Variants in SHISA9 observed in about 807,000 individuals in gnomAD.
The protein encoded by SHISA9 is shisa family member 9.
In SHISA9, 13 loss-of-function variants were observed where a neutral mutation model predicts 38.0. That is an observed-to-expected ratio of 0.34 (90% CI 0.22 to 0.54). The LOEUF is 0.54. Among genes scored for constraint, SHISA9 ranks in the 20% least tolerant of loss-of-function variants. The probability of loss-of-function intolerance (pLI) is 0.91; values close to 1 mark genes in which losing one functional copy is unlikely to be tolerated. For synonymous variants in SHISA9, 275 were observed against 242.0 expected (o/e 1.14, Z -1.27); for missense variants, 538 against 575.8 (o/e 0.93, Z 0.67).
chr16:12,951,520 C>G (rs1596546169), intron 2 of SHISA9, among the ~76,000 whole-genome samples: 1 of 152,030 alleles, frequency 6.6e-6, no homozygotes, highest in East Asian at 1.9e-4. Context: ...TTTGCAAAAA[C>G]AGGTGTTGGG....
At chr16:13,489,464 A>G in the SHISA9 span, among the ~76,000 whole-genome samples, 3 of 152,144 alleles carry the variant, frequency 2.0e-5, no homozygotes, top group Non-Finnish European at 4.4e-5. Context: ...CTCAACTCAA[A>G]TCTCATCTTG....
At chr16:13,172,606 C>T (rs1341474831) in intron 2 of SHISA9, among the ~76,000 whole-genome samples, 1 of 152,156 alleles carries the variant, frequency 6.6e-6, no homozygotes, top group Non-Finnish European at 1.5e-5. Context: ...ATTTCACCAT[C>T]ACCTTCGTGC....
chr16:13,235,590 G>A lies in SHISA9; in HGVS notation c.*181G>A, dbSNP rs2051375649. The A allele has an allele frequency of 2.7e-6, 2 of 745,212 alleles. No individual in the cohort carries two copies. The highest frequency in any genetic ancestry group is 4.2e-6 in the Non-Finnish European group (2 of 480,480). The allele number at this position is 745,212 out of a possible 1,614,324, so 46.2% of individuals were successfully genotyped here. A position where few individuals can be genotyped will look rare whatever the true frequency, so the allele number is the denominator to read the frequency against. ...GCTTTTCCTAGGTCATGCCTGTAAC[G>A]TGTCGGCGGGCAGCTGAGAAAGACC... On this transcript the variant is annotated 3_prime_UTR_variant, in exon 5 of 5. Transcript: ENST00000558583.
rs557600231 is a variant in SHISA9, at chr16:13,051,652, C to CA, written c.691+134841dup. ...AGTTTAAACAAACAAATGACCAAAA[C>CA]AAAAGTGAATGTTGAAAGCCAGCCC... On this transcript the variant is annotated intron_variant, in intron 2 of 4. Transcript: ENST00000558583. Among the ~76,000 whole-genome samples the CA allele has an allele frequency of 3.6e-4, 55 of 152,222 alleles. No individual in the cohort carries two copies. The South Asian group carries it at 0.011, about 30-fold the overall frequency.
At chr16:13,392,552 G>A in the SHISA9 span, among the ~76,000 whole-genome samples, 103 of 152,168 alleles carry the variant, frequency 6.8e-4, no homozygotes, top group East Asian at 0.017. Context: ...AGCAGGTGGC[G>A]GCATTACAGA....
At chr16:12,905,931 G>A (rs191217081) in intron 1 of SHISA9, among the ~76,000 whole-genome samples, 87 of 152,292 alleles carry the variant, frequency 5.7e-4, no homozygotes, top group African/African-American at 2.0e-3. Flanking sequence ...GTTTCTCAAC[G>A]TATGTAACTT....
intron 2 of SHISA9, among the ~76,000 whole-genome samples, chr16:13,199,555 G>T (rs1156450674): frequency 1.3e-5 from 2 of 152,192 alleles, no homozygotes; most frequent in Non-Finnish European, 2.9e-5. Context: ...TTAGAAAGGG[G>T]CTTCTCTCTC....
At chr16:13,062,470 C>T (rs999951063) in intron 2 of SHISA9, among the ~76,000 whole-genome samples, 1 of 152,192 alleles carries the variant, frequency 6.6e-6, no homozygotes. Flanking sequence ...CCTGCCACAA[C>T]TGAGCAACAG....
the SHISA9 span, among the ~76,000 whole-genome samples, chr16:13,310,839 A>T: frequency 1.8e-3 from 280 of 152,032 alleles, 1 homozygote; most frequent in African/African-American, 6.4e-3. Flanking sequence ...GCCTGCCACC[A>T]TTCACAGCTA....
the SHISA9 span, among the ~76,000 whole-genome samples, chr16:13,379,545 T>G: frequency 6.6e-6 from 1 of 152,184 alleles, no homozygotes; most frequent in Non-Finnish European, 1.5e-5. Context: ...GGCTGACAAG[T>G]GGCAAATGAC....
At chr16:13,437,047 C>G in the SHISA9 span, among the ~76,000 whole-genome samples, 1 of 152,120 alleles carries the variant, frequency 6.6e-6, no homozygotes, top group Non-Finnish European at 1.5e-5. Flanking sequence ...CAGGGAAACC[C>G]CACCCCATGA....
the SHISA9 span, among the ~76,000 whole-genome samples, chr16:13,279,579 A>G: frequency 3.3e-5 from 5 of 151,928 alleles, no homozygotes; most frequent in African/African-American, 1.2e-4. Flanking sequence ...CATATGATCT[A>G]CTTTTGTGAA....
At chr16:13,316,812 T>C in the SHISA9 span, among the ~76,000 whole-genome samples, 1 of 152,174 alleles carries the variant, frequency 6.6e-6, no homozygotes, top group African/African-American at 2.4e-5. Flanking sequence ...CCTTCAAGAA[T>C]AGGAAAGTGG....
At chr16:13,261,920 C>T in the SHISA9 span, among the ~76,000 whole-genome samples, 2 of 152,198 alleles carry the variant, frequency 1.3e-5, no homozygotes, top group African/African-American at 2.4e-5. Context: ...AGTTCTGTGG[C>T]TGAGGATATC....
rs187885828 is a variant in SHISA9, at chr16:13,212,981, G to A, written c.848-272G>A. On this transcript the variant is annotated intron_variant, in intron 3 of 4. Coordinates refer to ENST00000558583, the MANE Select transcript of SHISA9 (RefSeq NM_001145204.3). ...CCTAAGAATTATCTTTCTGCCTTAC[G>A]TAACTGAAAATATCTCGGCCTTTTT... Among the ~76,000 whole-genome samples the A allele has an allele frequency of 9.2e-5, 14 of 152,278 alleles. No homozygotes were observed. In the South Asian group the frequency reaches 2.1e-3, roughly 23 times the overall value.
the SHISA9 span, chr16:13,458,395 G>A: frequency 1.3e-5 from 5 of 374,022 alleles, 1 homozygote; most frequent in South Asian, 6.6e-5. Flanking sequence ...ACTTTATGAT[G>A]CTGTAACGAT....
the SHISA9 span, among the ~76,000 whole-genome samples, chr16:13,530,679 C>T: frequency 2.0e-5 from 3 of 152,090 alleles, no homozygotes; most frequent in Non-Finnish European, 4.4e-5. Context: ...TTTGCCCCCC[C>T]AGAACCACTT....
chr16:13,270,225 A>G, the SHISA9 span, among the ~76,000 whole-genome samples: 1 of 152,260 alleles, frequency 6.6e-6, no homozygotes, highest in Admixed American at 6.5e-5. Context: ...CCTGGCTGAG[A>G]CAAGGAGTAG....
At chr16:13,019,630 T>C (rs1011447063) in intron 2 of SHISA9, among the ~76,000 whole-genome samples, 1 of 152,076 alleles carries the variant, frequency 6.6e-6, no homozygotes, top group Non-Finnish European at 1.5e-5. Flanking sequence ...AACTTTTAAG[T>C]TCAGGGGTAC....
Sources: allele counts gnomAD v4.1 joint callset (sites outside exome capture counted in the v4.1 genomes callset), GRCh38; gene constraint gnomAD v4.1.1; transcripts MANE v1.5; gene names NCBI Gene and HGNC (gene_info 2026-07-23, HGNC 2026-07-21).